The following SERINC4 variants were observed in gnomAD, a reference collection of about 807,000 sequenced individuals.
SERINC4 encodes serine incorporator 4.
Under a neutral mutation model 52.0 loss-of-function variants are expected in SERINC4, and 52 were observed. The ratio of observed to expected loss-of-function variants is 1.00; its 90% CI spans 0.80 to 1.26. The LOEUF (loss-of-function observed/expected upper bound fraction) is 1.26. Among genes scored for constraint, SERINC4 ranks in the 50% most tolerant of loss-of-function variants. The pLI is 0.00. For missense variants in SERINC4, 723 were observed against 632.8 expected, an observed-to-expected ratio of 1.14 and a Z score of -1.53; for synonymous variants, 264 against 247.7, an observed-to-expected ratio of 1.07 and a Z score of -0.62.
At position 43,795,417 on chromosome 15, in the gene SERINC4, A is replaced by C. The variant is rs150100062; in HGVS notation, c.1314T>G (p.Tyr438Ter). Residue 438 changes from tyrosine (Y) to a stop codon, truncating the protein, a stop_gained, in exon 11 of 12, where the codon TAT (tyrosine) becomes TAG (stop). Coordinates refer to ENST00000319327, the MANE Select transcript of SERINC4 (RefSeq NM_001258031.2). LOFTEE classifies it high-confidence loss of function. ...FHFVFFLASLYVMVTLTNWFS... is the reference protein window; with the variant it reads ...FHFVFFLASL ...ACCAGTTGGTAAGGGTAACCATGAC[A>C]TAGAGTGAGGCAAGGAAGAAGACGA... is the stretch of plus-strand genomic sequence containing the variant. The C allele has an allele frequency of 3.1e-6, 5 of 1,614,078 alleles. No homozygotes were observed. In the African/African-American group the frequency reaches 6.7e-5, roughly 22 times the overall value.
intron 1 of SERINC4, 78 bp downstream of exon 1, chr15:43,799,807 A>C: frequency 9.0e-7 from 1 of 1,112,702 alleles, no homozygotes; most frequent in Non-Finnish European, 1.3e-6. Flanking sequence ...TAGAGGAGAA[A>C]AGAGGCCTGT....
chr15:43,797,479 G>A (rs1345685380), intron 5 of SERINC4, 123 bp from the exon 6 acceptor site: 7 of 685,844 alleles, frequency 1.0e-5, no homozygotes, highest in Admixed American at 8.3e-5. Flanking sequence ...TGCAACCTCC[G>A]CCTCTTGGGT....
rs376349161 is a variant in SERINC4, at chr15:43,796,885, A to G, written c.900T>C (p.Tyr300=). The G allele has an allele frequency of 1.9e-6, 3 of 1,614,026 alleles. No individual in the cohort carries two copies. Among genetic ancestry groups the G allele is most frequent in the Non-Finnish European group, 1.7e-6 (2 of 1,180,012 alleles). ...GGCTGGACAGTGCAGAGAAAGTCAG[A>G]TACATGATATAGCAGCTGATGACAG... ...QASVISCYIM[Y]LTFSALSSRP... The change falls in exon 7 of 12, where the codon TAT becomes TAC. Residue 300 remains tyrosine (Y), a synonymous_variant. Coordinates refer to ENST00000319327, the MANE Select transcript of SERINC4 (RefSeq NM_001258031.2).
rs1200270598 is a variant in SERINC4 at position 43,797,134 on chromosome 15, C to T, written c.844+11G>A. 3.9e-6 allele frequency: 6 copies of T among 1,550,438 alleles called. No homozygotes were observed. In the South Asian group the frequency reaches 5.9e-5, roughly 15 times the overall value. ...CCCCAAAACCTGGAATGCTGTAGGA[C>T]ATGTACCCACTGAGGCGGATGCAAG... On this transcript the variant is annotated intron_variant, in intron 6 of 11. Transcript: ENST00000319327.
rs772205377 is a variant in SERINC4, at chr15:43,795,070, G to A, written c.1487C>T (p.Pro496Leu). The change falls in exon 12 of 12, where the codon CCC becomes CTC. Residue 496 changes from proline (P) to leucine (L), a missense_variant. Transcript: ENST00000319327. The part of the protein sequence containing the change: ...APLCWPPTQK[P>L]QPLILRRRRH... Reference sequence around the variant, plus strand: ...GCGGCGCCTCAAGATAAGGGGCTGGGGTTTCTGGGTGGGGGGCCAACAGAG... The same window carrying A: ...GCGGCGCCTCAAGATAAGGGGCTGGAGTTTCTGGGTGGGGGGCCAACAGAG... 1.9e-6 allele frequency: 3 copies of A among 1,613,618 alleles called. No homozygotes were observed. The highest frequency in any genetic ancestry group is 2.2e-5 in the East Asian group (1 of 44,886).
rs1567169796 is a variant in SERINC4, at chr15:43,794,960, G to A, written c.*40C>T. On this transcript the variant is annotated 3_prime_UTR_variant, in exon 12 of 12. Transcript: ENST00000319327. ...GACAGCTCCCCTTGAGCCAACTCTA[G>A]GAGTACAATGTCAGGGGAACCCCAG... 2.6e-6 allele frequency: 4 copies of A among 1,518,994 alleles called. No individual in the cohort carries two copies. The East Asian group carries it at 9.0e-5, about 34-fold the overall frequency. The allele number at this position is 1,518,994 out of a possible 1,614,324, so 94.1% of individuals were successfully genotyped here.
At position 43,796,795 on chromosome 15, in the gene SERINC4, C is replaced by T. The variant is rs1227389166; in HGVS notation, c.940+50G>A. 5 of 1,612,206 alleles carry T rather than the reference C, an allele frequency of 3.1e-6. No individual in the cohort carries two copies. In the East Asian group the frequency reaches 6.7e-5, roughly 22 times the overall value. On this transcript the variant is annotated intron_variant, in intron 7 of 11. Coordinates refer to ENST00000319327, the MANE Select transcript of SERINC4 (RefSeq NM_001258031.2). The stretch of plus-strand genomic sequence containing the variant: ...TATTAACAATGAGCTAGGTATTTGG[C>T]AGGGGCAAAAAAAGGTCTTAGCATG...
Position 43,798,625 on chromosome 15 carries a change from T to G in SERINC4, c.459-121A>C. 4.0e-6 allele frequency: 3 copies of G among 747,966 alleles called. No homozygotes were observed. The South Asian group carries it at 4.9e-5, about 12-fold the overall frequency. 46.3% of individuals were successfully genotyped at this position (747,966 alleles called of 1,614,324 possible). A position where few individuals can be genotyped will look rare whatever the true frequency, so the allele number is the denominator to read the frequency against. Reference sequence around the variant, plus strand: ...TAGGAAAGAGGACAGACGAGACAACTAAGGAGGAACCAATCCCAAATGAGA... The same window carrying G: ...TAGGAAAGAGGACAGACGAGACAACGAAGGAGGAACCAATCCCAAATGAGA... On this transcript the variant is annotated intron_variant, in intron 3 of 11. Transcript: ENST00000319327.
chr15:43,794,281 C>T lies in SERINC4; in HGVS notation c.*719G>A, dbSNP rs759394273. The T allele has an allele frequency of 4.6e-5, 14 of 302,248 alleles. No homozygotes were observed. The highest frequency in any genetic ancestry group is 8.0e-5 in the Non-Finnish European group (13 of 162,396). The allele number at this position is 302,248 out of a possible 1,614,324, so 18.7% of individuals were successfully genotyped here. ...GACTTCTTTTCTGTGATTTTTGTTC[C>T]CCACCCTTGAACACCATCTCTAGGA... On this transcript the variant is annotated 3_prime_UTR_variant, in exon 12 of 12. Coordinates refer to ENST00000319327, the MANE Select transcript of SERINC4 (RefSeq NM_001258031.2).
rs766837221 is a variant in SERINC4, at chr15:43,796,945, G to T, written c.845-5C>A. ...GGAGGCCAGAGCGGGGTTGCTCTGG[G>T]GAGTAAGTATAATTGCTTTAGTCTA... On this transcript the variant is annotated splice_region_variant and splice_polypyrimidine_tract_variant and intron_variant, in intron 6 of 11. Coordinates refer to ENST00000319327, the MANE Select transcript of SERINC4 (RefSeq NM_001258031.2). 26 of 1,610,018 alleles carry T rather than the reference G, an allele frequency of 1.6e-5. No individual in the cohort carries two copies. The highest frequency in any genetic ancestry group is 2.1e-5 in the Non-Finnish European group (25 of 1,176,518).
Position 43,795,500 on chromosome 15 carries a change from G to C in SERINC4, c.1231C>G (p.Pro411Ala). The change falls in exon 11 of 12, where the codon CCT becomes GCT. Residue 411 changes from proline to alanine, a missense_variant. Physicochemically the swap from Pro to Ala is conservative, Grantham distance 27. Coordinates refer to ENST00000319327, the MANE Select transcript of SERINC4 (RefSeq NM_001258031.2). ...TGGACTTGGACTGGAGGAGCTGGAG[G>C]GGTTTCTTGGTCAGCTGGCCTCGCA... Reference protein sequence around the residue: ...GAARPADQETPPAPPVQVQHL... With the variant: ...GAARPADQETAPAPPVQVQHL... The C allele has an allele frequency of 6.2e-7, 1 of 1,614,160 alleles. No individual in the cohort carries two copies. The highest frequency in any genetic ancestry group is 1.1e-5 in the South Asian group (1 of 91,082).
At chr15:43,795,775 GAT>G (rs745469198) in intron 9 of SERINC4, 39 bp from the exon 10 acceptor site, 199 of 1,598,714 alleles carry the variant, frequency 1.2e-4, no homozygotes, top group Non-Finnish European at 1.6e-4. Flanking sequence ...GGTCTTAAAA[GAT>G]GTGAGGGTGT....
chr15:43,795,856 A>G lies in SERINC4; in HGVS notation c.1141-120T>C, dbSNP rs188997599. 5.1e-6 allele frequency: 5 copies of G among 980,758 alleles called. No individual in the cohort carries two copies. In the African/African-American group the frequency reaches 8.2e-5, roughly 16 times the overall value. The allele number at this position is 980,758 out of a possible 1,614,324, so 60.8% of individuals were successfully genotyped here. A position where few individuals can be genotyped will look rare whatever the true frequency, so the allele number is the denominator to read the frequency against. On this transcript the variant is annotated intron_variant, in intron 9 of 11. Coordinates refer to ENST00000319327, the MANE Select transcript of SERINC4 (RefSeq NM_001258031.2). ...AAAAGTGGAGGCACACCTGGGTTCA[A>G]ATTCTAGCTCCAGCATATAAGTGGC...
In SERINC4 at chr15:43,798,965, T is replaced by C. The variant is rs987011828; in HGVS notation, c.452A>G (p.His151Arg). ...HSPTSPRAQL[H>R]NSFWLLKLLF... is the part of the protein sequence containing the mutation. ...CCAGAAAGTACACACAAACCTATTA[T>C]GCAGCTGTGCCCGCGGGCTGGTGGG... Residue 151 changes from histidine (H) to arginine (R), a missense_variant, in exon 3 of 12, where the codon CAT becomes CGT. His to Arg is a conservative substitution (Grantham distance 29). Coordinates refer to ENST00000319327, the MANE Select transcript of SERINC4 (RefSeq NM_001258031.2). 3.7e-5 allele frequency: 58 copies of C among 1,550,482 alleles called. No individual in the cohort carries two copies. The highest frequency in any genetic ancestry group is 4.9e-5 in the Non-Finnish European group (56 of 1,147,012).
chr15:43,798,355 CCTCTT>C, intron 4 of SERINC4, 65 bp downstream of exon 4: 2 of 1,209,084 alleles, frequency 1.7e-6, no homozygotes, highest in African/African-American at 3.0e-5. Flanking sequence ...GGCCATTACT[CCTCTT>C]CTTACCCACT....
chr15:43,796,652 C>T lies in SERINC4; in HGVS notation c.1031G>A (p.Ser344Asn). ...CACACAAGCATACATGATGCTAGCACTCAGCATTGCTAGAGAGATATCTGG... is the reference window on the plus strand; with the variant it reads ...CACACAAGCATACATGATGCTAGCATTCAGCATTGCTAGAGAGATATCTGG... ...QTPDISLAML[S>N]ASIMYACVLF... is the part of the protein sequence containing the mutation. The change falls in exon 8 of 12, where the codon AGT (serine) becomes AAT (asparagine). Residue 344 changes from serine (S) to asparagine (N), a missense_variant. Transcript: ENST00000319327. 1 of 1,614,018 alleles carries T rather than the reference C, an allele frequency of 6.2e-7. No homozygotes were observed. The highest frequency in any genetic ancestry group is 1.6e-4 in the Middle Eastern group (1 of 6,062).
intron 11 of SERINC4, 68 bp downstream of exon 11, chr15:43,795,320 C>G: frequency 6.2e-7 from 1 of 1,600,846 alleles, no homozygotes; most frequent in Non-Finnish European, 8.6e-7. Context: ...TCTGGAATGG[C>G]CTTGAATTGC....
chr15:43,797,357 C>T lies in SERINC4; in HGVS notation c.633-1G>A. On this transcript the variant is annotated splice_acceptor_variant, in intron 5 of 11. Transcript: ENST00000319327. LOFTEE classifies it high-confidence loss of function. ...ACAGTCTTGAGCTGCACCTGTCTGC[C>T]TAAGGGTGGAAAGTGGGCAATGGCT... 6.5e-7 allele frequency: 1 copy of T among 1,547,266 alleles called. No homozygotes were observed. Among genetic ancestry groups the T allele is most frequent in the Non-Finnish European group, 8.7e-7 (1 of 1,146,416 alleles).
At position 43,799,925 on chromosome 15, in the gene SERINC4, C is replaced by T. The variant is rs1266469965; in HGVS notation, c.62G>A (p.Ser21Asn). The change falls in exon 1 of 12, where the codon AGC becomes AAC. Residue 21 changes from serine to asparagine, a missense_variant. Coordinates refer to ENST00000319327, the MANE Select transcript of SERINC4 (RefSeq NM_001258031.2). ...TTTCACTAGGACACTGCTGCCTCCG[C>T]TGTGCTGCTGTGCCAGGCCCAGGGA... The part of the protein sequence containing the change: ...GTSLGLAQQH[S>N]GGSSVLVKSP... The T allele has an allele frequency of 3.2e-6, 5 of 1,549,780 alleles. No homozygotes were observed. Among genetic ancestry groups the T allele is most frequent in the East Asian group, 4.9e-5 (2 of 40,920 alleles).
Sources: gnomAD v4.1 joint callset for allele counts on GRCh38, gnomAD v4.1.1 for gene constraint, MANE v1.5 for transcripts, NCBI Gene and HGNC (gene_info 2026-07-23, HGNC 2026-07-21) for gene names.